ZNF334: variants seen among roughly 807,000 people sequenced by gnomAD.
ZNF334 encodes the protein zinc finger protein 334.
In ZNF334, 14 loss-of-function variants were observed where a neutral mutation model predicts 12.4. The ratio of observed to expected loss-of-function variants is 1.13; its 90% CI spans 0.74 to 1.76. The LOEUF (loss-of-function observed/expected upper bound fraction) is 1.76. Ranked by LOEUF, ZNF334 falls within the 40% of genes most tolerant of loss-of-function variation. The pLI is 0.00. For synonymous variants in ZNF334, 273 were observed against 269.6 expected (o/e 1.01, Z -0.12); for missense variants, 797 against 804.5 (o/e 0.99, Z 0.11).
the ZNF334 span, among the ~76,000 whole-genome samples, chr20:46,490,613 T>A: frequency 2.0e-5 from 3 of 152,124 alleles, no homozygotes; most frequent in Non-Finnish European, 4.4e-5. Context: ...TTTAAAGAAA[T>A]AGAAAAAAAT....
the ZNF334 span, among the ~76,000 whole-genome samples, chr20:46,494,498 A>G: frequency 6.6e-6 from 1 of 152,264 alleles, no homozygotes; most frequent in Admixed American, 6.5e-5. Flanking sequence ...TAACAGACAC[A>G]TCAGTTTTAT....
At chr20:46,492,553 CTT>C in the ZNF334 span, 1 of 152,676 alleles carries the variant, frequency 6.5e-6, no homozygotes, top group Non-Finnish European at 1.5e-5. Flanking sequence ...GAGAGAAACA[CTT>C]TGTATGTAAT....
chr20:46,502,604 G>C lies in ZNF334; in HGVS notation c.735C>G (p.Thr245=), dbSNP rs1262422151. 6.2e-7 allele frequency: 1 copy of C among 1,611,212 alleles called. No individual in the cohort carries two copies. Among genetic ancestry groups the C allele is most frequent in the African/African-American group, 1.3e-5 (1 of 74,142 alleles). Residue 245 remains threonine, a synonymous_variant, in exon 5 of 5, where the codon ACC becomes ACG. Transcript: ENST00000692313. ...CAATGAGGGTAGATCTCTTAGAAAA[G>C]GTTTTCCTACATTCATTACATTCAT... ...KPNECNECRK[T]FSKRSTLIVH...
At chr20:46,474,395 A>G in the ZNF334 span, 3 of 148,422 alleles carry the variant, frequency 2.0e-5, no homozygotes, top group Middle Eastern at 7.0e-3. Flanking sequence ...AAAAAAAAAA[A>G]TGGAAATCAG....
rs1185136841 is a variant in ZNF334 at position 46,501,594 on chromosome 20, C to T, written c.1745G>A (p.Cys582Tyr). ...ATGTTCAACAAAGGAGAACTTCTGA[C>T]AGAAGGTTTTCCCACATTCATTACA... ...YECNECGKTF[C>Y]QKFSFVEHQR... Residue 582 changes from cysteine to tyrosine, a missense_variant, in exon 5 of 5, where the codon TGT (cysteine) becomes TAT (tyrosine). Physicochemically the swap from Cys to Tyr is radical, Grantham distance 194. Coordinates refer to ENST00000692313, the MANE Select transcript of ZNF334 (RefSeq NM_001353824.2). The T allele has an allele frequency of 1.2e-6, 2 of 1,614,016 alleles. No homozygotes were observed. The highest frequency in any genetic ancestry group is 1.7e-6 in the Non-Finnish European group (2 of 1,180,006).
the ZNF334 span, among the ~76,000 whole-genome samples, chr20:46,488,882 G>A: frequency 6.7e-6 from 1 of 149,350 alleles, no homozygotes; most frequent in Non-Finnish European, 1.5e-5. Context: ...TGAGAAATCT[G>A]ATGTCATCTT....
At chr20:46,487,282 C>A in the ZNF334 span, among the ~76,000 whole-genome samples, 18 of 152,216 alleles carry the variant, frequency 1.2e-4, no homozygotes, top group East Asian at 2.5e-3. Context: ...AATGGACAAC[C>A]AGCCCCATTT....
chr20:46,484,772 C>T, the ZNF334 span, among the ~76,000 whole-genome samples: 2 of 152,178 alleles, frequency 1.3e-5, no homozygotes, highest in Non-Finnish European at 2.9e-5. Flanking sequence ...TCCTATTCCC[C>T]ACTGTCCTCA....
At chr20:46,465,181 G>A in the ZNF334 span, 6 of 208,604 alleles carry the variant, frequency 2.9e-5, no homozygotes, top group Non-Finnish European at 4.8e-5. Flanking sequence ...AGGGATGGGG[G>A]TGGTGACTGT....
the ZNF334 span, among the ~76,000 whole-genome samples, chr20:46,473,133 C>A: frequency 6.6e-6 from 1 of 151,848 alleles, no homozygotes; most frequent in African/African-American, 2.4e-5. Context: ...ATTGTTCATC[C>A]CTCTCTTTTA....
the ZNF334 span, among the ~76,000 whole-genome samples, chr20:46,466,356 T>C: frequency 6.6e-6 from 1 of 152,026 alleles, no homozygotes; most frequent in Non-Finnish European, 1.5e-5. Flanking sequence ...TATAAGAAGA[T>C]TACACTACCA....
At chr20:46,509,509 G>T (rs990534980) in intron 2 of ZNF334, 10 of 696,590 alleles carry the variant, frequency 1.4e-5, no homozygotes, top group Middle Eastern at 4.6e-4. Context: ...CAGCACGTGG[G>T]TCAGCACATG....
In ZNF334 at chr20:46,502,548, G is replaced by C. The variant is rs183671301; in HGVS notation, c.791C>G (p.Pro264Arg). 1 of 1,613,594 alleles carries C rather than the reference G, an allele frequency of 6.2e-7. No individual in the cohort carries two copies. The highest frequency in any genetic ancestry group is 8.5e-7 in the Non-Finnish European group (1 of 1,179,822). Residue 264 changes from proline to arginine, a missense_variant, in exon 5 of 5, where the codon CCG becomes CGG. Transcript: ENST00000692313. ...VHQRIHTGEK[P>R]YVCSDCRKTF... ...TTTCCTACAATCACTACAAACATAC[G>C]GTTTCTCCCCTGTATGAATTCTCTG...
the ZNF334 span, among the ~76,000 whole-genome samples, chr20:46,472,020 T>A: frequency 6.6e-6 from 1 of 152,236 alleles, no homozygotes; most frequent in Non-Finnish European, 1.5e-5. Context: ...AATCTTGACA[T>A]CTTTACAATA....
rs779835908 is a variant in ZNF334 at position 46,502,381 on chromosome 20, A to G, written c.958T>C (p.Ser320Pro). 6.2e-7 allele frequency: 1 copy of G among 1,613,966 alleles called. No homozygotes were observed. ...VHQKIHGGEK[S>P]YECNECGKTF... ...TTTCCACATTCATTACACTCATAGG[A>G]TTTCTCCCCTCCATGAATTTTCTGG... The change falls in exon 5 of 5, where the codon TCC (serine) becomes CCC (proline). Residue 320 changes from serine to proline, a missense_variant. Ser to Pro is a moderately conservative substitution (Grantham distance 74, BLOSUM62 -1). Transcript: ENST00000692313.
chr20:46,474,041 T>C, the ZNF334 span, among the ~76,000 whole-genome samples: 1 of 152,192 alleles, frequency 6.6e-6, no homozygotes, highest in African/African-American at 2.4e-5. Flanking sequence ...ATCAATTACT[T>C]CTTCTGAGGG....
intron 4 of ZNF334, among the ~76,000 whole-genome samples, chr20:46,503,363 T>C (rs544943742): frequency 1.3e-5 from 2 of 152,308 alleles, no homozygotes; most frequent in South Asian, 2.1e-4. Context: ...ACAAGTACCT[T>C]TGACACTTTA....
In ZNF334 at chr20:46,504,676, G is replaced by A. The variant is rs1356360071; in HGVS notation, c.86C>T (p.Pro29Leu). The change falls in exon 3 of 5, where the codon CCT becomes CTT. Residue 29 changes from proline (P) to leucine (L), a missense_variant. Transcript: ENST00000692313. ...FTQEEWQQLD[P>L]AQRLLYRDVM... ...ATCCCTGTACAGGAGCCTCTGAGCAGGGTCCAGTTGCTGCCATTCCTCTTG... is the reference window on the plus strand; with the variant it reads ...ATCCCTGTACAGGAGCCTCTGAGCAAGGTCCAGTTGCTGCCATTCCTCTTG... 6.2e-7 allele frequency: 1 copy of A among 1,612,492 alleles called. No homozygotes were observed. The highest frequency in any genetic ancestry group is 1.1e-5 in the South Asian group (1 of 90,738).
At chr20:46,466,250 C>CT in the ZNF334 span, among the ~76,000 whole-genome samples, 1 of 152,092 alleles carries the variant, frequency 6.6e-6, no homozygotes, top group South Asian at 2.1e-4. Context: ...TAAAATCTTG[C>CT]TTTTAGATAA....
Sources: gnomAD v4.1 joint callset for allele counts (sites outside exome capture counted in the v4.1 genomes callset) on GRCh38, gnomAD v4.1.1 for gene constraint, MANE v1.5 for transcripts, NCBI Gene and HGNC (gene_info 2026-07-23, HGNC 2026-07-21) for gene names.